Variants in FSTL5 observed in about 807,000 individuals in gnomAD.
FSTL5 encodes the protein follistatin-related protein 5.
A neutral mutation model predicts 89.1 loss-of-function variants in FSTL5; 62 were observed. The ratio of observed to expected loss-of-function variants is 0.70; its 90% CI spans 0.57 to 0.86. FSTL5 has a LOEUF of 0.86. Among genes scored for constraint, FSTL5 ranks in the 40% least tolerant of loss-of-function variants. The pLI, the probability that FSTL5 is intolerant of heterozygous loss-of-function variation, is 0.00. For synonymous variants in FSTL5, 383 were observed against 346.2 expected, an observed-to-expected ratio of 1.11 and a Z score of -1.18; for missense variants, 1,057 against 1,001.6, an observed-to-expected ratio of 1.06 and a Z score of -0.75.
At chr4:161,599,656 G>T (rs768094048) in intron 7 of FSTL5, among the ~76,000 whole-genome samples, 1 of 150,942 alleles carries the variant, frequency 6.6e-6, no homozygotes, top group African/African-American at 2.5e-5. Context: ...ATAATGTCCA[G>T]GTTTAAGAGC....
chr4:161,769,624 ATAATATT>A (rs1741138882), intron 5 of FSTL5, among the ~76,000 whole-genome samples: 1 of 152,016 alleles, frequency 6.6e-6, no homozygotes, highest in Non-Finnish European at 1.5e-5. Flanking sequence ...AAAGCATTTG[ATAATATT>A]CAACACCCTT....
At chr4:161,852,800 T>C (rs1731596289) in intron 4 of FSTL5, among the ~76,000 whole-genome samples, 1 of 152,112 alleles carries the variant, frequency 6.6e-6, no homozygotes. Context: ...AATGAGATCA[T>C]GTCCTTTGCA....
chr4:162,105,552 AG>A (rs890714998), intron 2 of FSTL5, among the ~76,000 whole-genome samples: 8 of 152,164 alleles, frequency 5.3e-5, no homozygotes, highest in Non-Finnish European at 8.8e-5. Flanking sequence ...AAAAACGGGT[AG>A]GATGGTGTCA....
chr4:162,013,920 A>G (rs900565), intron 3 of FSTL5, among the ~76,000 whole-genome samples: 151,922 of 152,240 alleles, frequency 1, 75,802 homozygotes, highest in Non-Finnish European at 1. Flanking sequence ...TAAAGGTGCT[A>G]AACATCCTGG....
At chr4:161,799,460 G>T (rs372499931) in intron 4 of FSTL5, among the ~76,000 whole-genome samples, 6 of 151,522 alleles carry the variant, frequency 4.0e-5, no homozygotes, top group Non-Finnish European at 8.9e-5. Flanking sequence ...AAAAATAAAA[G>T]ATTTTTGCCT....
chr4:161,472,632 A>G (rs570364432), intron 13 of FSTL5, among the ~76,000 whole-genome samples: 15 of 151,798 alleles, frequency 9.9e-5, no homozygotes, highest in African/African-American at 2.7e-4. Context: ...AGGTTGTTTT[A>G]ATTTCCACAA....
intron 4 of FSTL5, among the ~76,000 whole-genome samples, chr4:161,831,963 T>C (rs1367608980): frequency 1.3e-5 from 2 of 151,984 alleles, no homozygotes; most frequent in Non-Finnish European, 2.9e-5. Context: ...CAGATACTAA[T>C]AAGAGACATT....
chr4:161,931,998 T>C (rs1395350046), intron 3 of FSTL5, among the ~76,000 whole-genome samples: 1 of 151,914 alleles, frequency 6.6e-6, no homozygotes, highest in African/African-American at 2.4e-5. Flanking sequence ...TCAAGTATGA[T>C]GGTAGAGAAG....
intron 3 of FSTL5, among the ~76,000 whole-genome samples, chr4:161,965,606 A>G (rs1392690939): frequency 1.3e-5 from 2 of 152,098 alleles, no homozygotes; most frequent in Non-Finnish European, 2.9e-5. Context: ...TGACCTACAA[A>G]TCTACAGTGG....
At chr4:161,762,123 A>C (rs1259682515) in intron 5 of FSTL5, among the ~76,000 whole-genome samples, 2 of 152,160 alleles carry the variant, frequency 1.3e-5, no homozygotes, top group Non-Finnish European at 2.9e-5. Flanking sequence ...AGCATTGAAA[A>C]ATTGGTTTAG....
At chr4:162,126,161 T>C (rs999198012) in intron 1 of FSTL5, among the ~76,000 whole-genome samples, 2 of 152,084 alleles carry the variant, frequency 1.3e-5, no homozygotes, top group Non-Finnish European at 2.9e-5. Flanking sequence ...TGCTTGCCAT[T>C]TTTCCTTGTA....
Position 161,587,436 on chromosome 4 carries a change from A to G in FSTL5, c.1015+19T>C. ...ATGGTGTTCTTTGAATAGTTAGGGT[A>G]ACAAAAATCACTTCTTACCATTCAC... On this transcript the variant is annotated intron_variant, in intron 8 of 15. Transcript: ENST00000306100. 6.2e-7 allele frequency: 1 copy of G among 1,612,042 alleles called. No individual in the cohort carries two copies. The highest frequency in any genetic ancestry group is 8.5e-7 in the Non-Finnish European group (1 of 1,178,532).
intron 2 of FSTL5, among the ~76,000 whole-genome samples, chr4:162,036,297 C>A (rs1737736988): frequency 6.6e-6 from 1 of 152,044 alleles, no homozygotes; most frequent in South Asian, 2.1e-4. Flanking sequence ...ACTTTCTTGA[C>A]CATCTTTTTC....
At chr4:161,536,081 T>C (rs1731603618) in intron 10 of FSTL5, among the ~76,000 whole-genome samples, 1 of 152,030 alleles carries the variant, frequency 6.6e-6, no homozygotes, top group Non-Finnish European at 1.5e-5. Flanking sequence ...CACTGGGAAC[T>C]ACTAAAGGAG....
intron 4 of FSTL5, among the ~76,000 whole-genome samples, chr4:161,818,852 T>G (rs1252077603): frequency 6.6e-6 from 1 of 152,164 alleles, no homozygotes; most frequent in African/African-American, 2.4e-5. Flanking sequence ...CTTTTAAAAG[T>G]GTTTTTGCAT....
intron 4 of FSTL5, among the ~76,000 whole-genome samples, chr4:161,825,292 C>CTA (rs200943322): frequency 0.038 from 5,789 of 152,222 alleles, 176 homozygotes; most frequent in Middle Eastern, 0.13. Flanking sequence ...ATTTGGCCAC[C>CTA]TAGCACATTG....
At chr4:161,429,954 A>T (rs1372668858) in intron 15 of FSTL5, among the ~76,000 whole-genome samples, 1 of 152,194 alleles carries the variant, frequency 6.6e-6, no homozygotes, top group Non-Finnish European at 1.5e-5. Flanking sequence ...ACATCATTCA[A>T]AAGAGCTGTT....
At chr4:162,051,058 G>C (rs1286453176) in intron 2 of FSTL5, among the ~76,000 whole-genome samples, 1 of 151,398 alleles carries the variant, frequency 6.6e-6, no homozygotes, top group Non-Finnish European at 1.5e-5. Context: ...TTGTCTTCAA[G>C]AAACACTTAA....
At chr4:162,010,953 C>A (rs909339652) in intron 3 of FSTL5, among the ~76,000 whole-genome samples, 19 of 151,448 alleles carry the variant, frequency 1.3e-4, no homozygotes, top group African/African-American at 4.4e-4. Context: ...ATATATATAT[C>A]TAAAAGTTGA....
Sources: gnomAD v4.1 joint callset for allele counts (sites outside exome capture counted in the v4.1 genomes callset) on GRCh38, gnomAD v4.1.1 for gene constraint, MANE v1.5 for transcripts, NCBI Gene and HGNC (gene_info 2026-07-23, HGNC 2026-07-21) for gene names.